FYTTD1: variants seen among roughly 807,000 people sequenced by gnomAD.
FYTTD1 encodes the protein UAP56-interacting factor.
In FYTTD1, 22 loss-of-function variants were observed where a neutral mutation model predicts 40.9. That is an observed-to-expected ratio of 0.54 (90% CI 0.38 to 0.77). FYTTD1 has a LOEUF of 0.77. Ranked by LOEUF, FYTTD1 falls within the 30% of genes least tolerant of loss-of-function variation. FYTTD1 has a pLI of 0.00. For synonymous variants in FYTTD1, 140 were observed against 137.9 expected, an observed-to-expected ratio of 1.01 and a Z score of -0.10; for missense variants, 351 against 392.2, an observed-to-expected ratio of 0.90 and a Z score of 0.89.
chr3:197,750,236 G>C, intron 1 of FYTTD1, 162 bp downstream of exon 1: 1 of 833,286 alleles, frequency 1.2e-6, no homozygotes, highest in Non-Finnish European at 1.7e-6. Context: ...CGGGAGCGCA[G>C]GCTCGACGCC....
chr3:197,754,884 C>T, intron 1 of FYTTD1, among the ~76,000 whole-genome samples: 1 of 152,068 alleles, frequency 6.6e-6, no homozygotes, highest in East Asian at 1.9e-4. Flanking sequence ...CCAGGTTGGT[C>T]TCGAACTCTT....
At chr3:197,756,723 G>A (rs539710443) in intron 2 of FYTTD1, among the ~76,000 whole-genome samples, 166 bp downstream of exon 2, 5 of 152,194 alleles carry the variant, frequency 3.3e-5, no homozygotes, top group Non-Finnish European at 5.9e-5. Flanking sequence ...AAAAATTTCA[G>A]TAGCCTTCAA....
chr3:197,780,270 A>T (rs79048893), intron 8 of FYTTD1, among the ~76,000 whole-genome samples: 1 of 152,166 alleles, frequency 6.6e-6, no homozygotes, highest in Non-Finnish European at 1.5e-5. Flanking sequence ...GGGTTTCGCT[A>T]CATTGCCCAG....
At chr3:197,750,648 C>T (rs182060171) in intron 1 of FYTTD1, 20,740 of 985,454 alleles carry the variant, frequency 0.021, 219 homozygotes, top group Non-Finnish European at 0.024. Context: ...CGGCCGCGGC[C>T]CCGGAGCGTC....
chr3:197,780,689 T>G (rs1394913471), intron 8 of FYTTD1, among the ~76,000 whole-genome samples: 2 of 151,752 alleles, frequency 1.3e-5, no homozygotes, highest in African/African-American at 4.8e-5. Context: ...ATTACAGGCA[T>G]GTGCCACCAC....
intron 7 of FYTTD1, among the ~76,000 whole-genome samples, chr3:197,777,751 G>A (rs554521427): frequency 1.4e-4 from 22 of 152,180 alleles, no homozygotes; most frequent in African/African-American, 5.3e-4. Context: ...GTCTCACTCT[G>A]ATGCCCAGGC....
rs538864419 is a variant in FYTTD1, at chr3:197,764,743, T to C, written c.236-3696T>C. 2.7e-5 allele frequency among the ~76,000 whole-genome samples: 4 copies of C among 146,178 alleles called. No individual in the cohort carries two copies. The South Asian group carries it at 8.6e-4, about 31-fold the overall frequency. ...AAAAAAAGCAGAGGAGGCAACACCT[T>C]GGATAAGAGAAAAAAAAAACAGCAG... On this transcript the variant is annotated intron_variant, in intron 2 of 8. Transcript: ENST00000241502.
At position 197,778,329 on chromosome 3, in the gene FYTTD1, T is replaced by C; in HGVS notation, c.732-9T>C. 6.3e-7 allele frequency: 1 copy of C among 1,586,300 alleles called. No individual in the cohort carries two copies. Among genetic ancestry groups the C allele is most frequent in the Non-Finnish European group, 8.6e-7 (1 of 1,168,058 alleles). ...AAGCTGCTCTGATATTTTAATATTT[T>C]TCTAATAGAACTCAGAAACCACGAT... On this transcript the variant is annotated splice_polypyrimidine_tract_variant and intron_variant, in intron 7 of 8. Transcript: ENST00000241502.
intron 2 of FYTTD1, among the ~76,000 whole-genome samples, chr3:197,760,875 T>G (rs1218633291): frequency 1.3e-5 from 2 of 148,888 alleles, no homozygotes; most frequent in Non-Finnish European, 3.0e-5. Flanking sequence ...GAATTGTTCT[T>G]CAGTGGTAGA....
At chr3:197,769,612 G>A (rs1729651673) in intron 3 of FYTTD1, among the ~76,000 whole-genome samples, 1 of 152,094 alleles carries the variant, frequency 6.6e-6, no homozygotes, top group Admixed American at 6.6e-5. Context: ...TGTTTTTTAT[G>A]ATACTTTTCG....
In FYTTD1 at chr3:197,764,861, G is replaced by T. The variant is rs534059459; in HGVS notation, c.236-3578G>T. On this transcript the variant is annotated intron_variant, in intron 2 of 8. Transcript: ENST00000241502. ...GTTCTATTCCATACTTTTTTTTTTTGGGGGGGGAGGATGGAGTCTTGCCCT... is the reference window on the plus strand; with the variant it reads ...GTTCTATTCCATACTTTTTTTTTTTTGGGGGGGAGGATGGAGTCTTGCCCT... Among the ~76,000 whole-genome samples, 15 of 139,656 alleles carry T rather than the reference G, an allele frequency of 1.1e-4. No homozygotes were observed. The East Asian group carries it at 2.8e-3, about 26-fold the overall frequency. The allele number at this position is 139,656 out of a possible 152,430, so 91.6% of individuals were successfully genotyped here.
intron 6 of FYTTD1, among the ~76,000 whole-genome samples, chr3:197,774,456 T>C (rs943320172): frequency 1.3e-5 from 2 of 152,326 alleles, no homozygotes; most frequent in East Asian, 3.9e-4. Context: ...GTATCGCCAC[T>C]GCACACCAGC....
chr3:197,786,500 A>C lies in FYTTD1; in HGVS notation c.*4591A>C, dbSNP rs534532774. The C allele has an allele frequency of 6.6e-6, 1 of 152,306 alleles. No individual in the cohort carries two copies. The highest frequency in any genetic ancestry group is 2.4e-5 in the African/African-American group (1 of 41,568). 9.4% of individuals were successfully genotyped at this position (152,306 alleles called of 1,614,324 possible). A position where few individuals can be genotyped will look rare whatever the true frequency, so the allele number is the denominator to read the frequency against. On this transcript the variant is annotated 3_prime_UTR_variant, in exon 9 of 9. Coordinates refer to ENST00000241502, the MANE Select transcript of FYTTD1 (RefSeq NM_032288.7). ...CATTCTGGGACTGAAATGTCGTCTT[A>C]TGAGTGTATTCAGATGAGGTATACC...
At chr3:197,781,281 TC>T (rs1361676851) in intron 8 of FYTTD1, among the ~76,000 whole-genome samples, 1 of 151,552 alleles carries the variant, frequency 6.6e-6, no homozygotes, top group Non-Finnish European at 1.5e-5. Context: ...GCCACTGCAC[TC>T]CAGCCTGGAT....
intron 4 of FYTTD1, among the ~76,000 whole-genome samples, chr3:197,772,209 C>A (rs1357436701): frequency 1.2e-4 from 19 of 152,182 alleles, no homozygotes; most frequent in South Asian, 4.1e-4. Flanking sequence ...CAAATAAGAA[C>A]CCATCATTTA....
chr3:197,755,456 TC>T (rs1729183620), intron 1 of FYTTD1, among the ~76,000 whole-genome samples: 2 of 151,754 alleles, frequency 1.3e-5, no homozygotes, highest in African/African-American at 2.4e-5. Context: ...TTTTACTTTT[TC>T]TTTTTTTTTA....
intron 2 of FYTTD1, among the ~76,000 whole-genome samples, chr3:197,758,777 C>G (rs1729281269): frequency 6.6e-6 from 1 of 152,182 alleles, no homozygotes; most frequent in South Asian, 2.1e-4. Context: ...GTCTTAAACT[C>G]TGATTGGCTA....
At position 197,783,586 on chromosome 3, in the gene FYTTD1, A is replaced by C. The variant is rs1003007017; in HGVS notation, c.*1677A>C. On this transcript the variant is annotated 3_prime_UTR_variant, in exon 9 of 9. Coordinates refer to ENST00000241502, the MANE Select transcript of FYTTD1 (RefSeq NM_032288.7). ...TGGAAATAAATTCTAGTCTCTCCTT[A>C]GCTATTTGATGCTTTTCATATAGGC... is the stretch of plus-strand genomic sequence containing the variant. The C allele has an allele frequency of 6.6e-6, 1 of 152,658 alleles. No homozygotes were observed. The highest frequency in any genetic ancestry group is 1.5e-5 in the Non-Finnish European group (1 of 68,028). The allele number at this position is 152,658 out of a possible 1,614,324, so 9.5% of individuals were successfully genotyped here. A position where few individuals can be genotyped will look rare whatever the true frequency, so the allele number is the denominator to read the frequency against.
intron 2 of FYTTD1, among the ~76,000 whole-genome samples, chr3:197,764,246 C>T (rs1458655101): frequency 6.6e-6 from 1 of 152,078 alleles, no homozygotes; most frequent in Non-Finnish European, 1.5e-5. Context: ...AGTTACAGAG[C>T]ATAAGAGGGA....
Sources: gnomAD v4.1 joint callset for allele counts (sites outside exome capture counted in the v4.1 genomes callset) on GRCh38, gnomAD v4.1.1 for gene constraint, MANE v1.5 for transcripts, NCBI Gene and HGNC (gene_info 2026-07-23, HGNC 2026-07-21) for gene names.